The following ZNF263 variants were observed in gnomAD, a reference collection of about 807,000 sequenced individuals.
The protein encoded by ZNF263 is zinc finger protein 263.
In ZNF263, 49 loss-of-function variants were observed where a neutral mutation model predicts 63.1. The ratio of observed to expected loss-of-function variants is 0.78; its 90% CI spans 0.62 to 0.99. The LOEUF (loss-of-function observed/expected upper bound fraction) is 0.99. Ranked by LOEUF, ZNF263 falls within the 50% of genes least tolerant of loss-of-function variation. ZNF263 has a pLI of 0.00. For missense variants in ZNF263, 872 were observed against 854.8 expected (o/e 1.02, Z -0.25); for synonymous variants, 352 against 324.2 (o/e 1.09, Z -0.92).
chr16:3,284,636 C>G (rs991227136), intron 1 of ZNF263, among the ~76,000 whole-genome samples: 1 of 152,186 alleles, frequency 6.6e-6, no homozygotes. Context: ...TACTTGTTAC[C>G]TGTTGTTATG....
intron 2 of ZNF263, chr16:3,299,421 T>C (rs1334649368): frequency 6.4e-7 from 1 of 1,561,714 alleles, no homozygotes; most frequent in East Asian, 2.3e-5. Context: ...GATTTTCCCA[T>C]GCATTTGCTA....
intron 2 of ZNF263, chr16:3,300,632 A>C: frequency 6.5e-7 from 1 of 1,533,036 alleles, no homozygotes; most frequent in Non-Finnish European, 8.7e-7. Context: ...TTAACTCTGA[A>C]CCACCAACAG....
intron 2 of ZNF263, among the ~76,000 whole-genome samples, 177 bp downstream of exon 2, chr16:3,285,416 A>G (rs1959309529): frequency 4.6e-5 from 7 of 152,142 alleles, no homozygotes; most frequent in Admixed American, 4.6e-4. Flanking sequence ...GGGGGAAGGG[A>G]AGGGAGTCTC....
intron 5 of ZNF263, 43 bp downstream of exon 5, chr16:3,288,613 C>G (rs765161698): frequency 6.8e-7 from 1 of 1,464,342 alleles, no homozygotes; most frequent in East Asian, 2.3e-5. Flanking sequence ...AGCAGCAAGG[C>G]TCTTGCAGTT....
At chr16:3,284,574 G>A (rs1330520971) in intron 1 of ZNF263, among the ~76,000 whole-genome samples, 4 of 152,252 alleles carry the variant, frequency 2.6e-5, no homozygotes, top group Non-Finnish European at 4.4e-5. Context: ...CTAGGGCTTA[G>A]AGGGAGAGCA....
chr16:3,287,684 C>T lies in ZNF263; in HGVS notation c.770-770C>T, dbSNP rs146159981. ...GAGGTTTTTGTTTTTCTTTTTGGCA[C>T]AGCATAGAAATGGCACTTGTGGGTT... is the stretch of plus-strand genomic sequence containing the variant. On this transcript the variant is annotated intron_variant, in intron 4 of 5. Coordinates refer to ENST00000219069, the MANE Select transcript of ZNF263 (RefSeq NM_005741.5). 4.6e-3 allele frequency among the ~76,000 whole-genome samples: 696 copies of T among 152,080 alleles called. 5 individuals carry two copies. The highest frequency in any genetic ancestry group is 0.013 in the African/African-American group (552 of 41,494).
intron 4 of ZNF263, 171 bp downstream of exon 4, chr16:3,286,320 C>T (rs1428535023): frequency 4.9e-5 from 47 of 952,068 alleles, no homozygotes; most frequent in Non-Finnish European, 6.7e-5. Context: ...CCAAGTGGTA[C>T]AGTTGGCACA....
In ZNF263 at chr16:3,284,055, G is replaced by C. The variant is rs1470710821; in HGVS notation, c.237G>C (p.Gln79His). ...GGCCTGAGATGCGCACGAAGGAGCAGATCTTGGAGCTGCTGGTGTTAGAGC... is the reference window on the plus strand; with the variant it reads ...GGCCTGAGATGCGCACGAAGGAGCACATCTTGGAGCTGCTGGTGTTAGAGC... The part of the protein sequence containing the change: ...WLRPEMRTKE[Q>H]ILELLVLEQF... The change falls in exon 1 of 6, where the codon CAG (glutamine) becomes CAC (histidine). Residue 79 changes from glutamine to histidine, a missense_variant. By Grantham distance (24) the Gln-to-His change is conservative. Coordinates refer to ENST00000219069, the MANE Select transcript of ZNF263 (RefSeq NM_005741.5). The C allele has an allele frequency of 1.2e-6, 2 of 1,613,734 alleles. No individual in the cohort carries two copies. Among genetic ancestry groups the C allele is most frequent in the African/African-American group, 1.3e-5 (1 of 74,936 alleles).
chr16:3,291,144 CATGTAA>C lies in ZNF263; in HGVS notation c.*589_*594del. 1.0e-6 allele frequency: 1 copy of C among 986,104 alleles called. No homozygotes were observed. The highest frequency in any genetic ancestry group is 1.2e-6 in the Non-Finnish European group (1 of 830,474). The allele number at this position is 986,104 out of a possible 1,614,324, so 61.1% of individuals were successfully genotyped here. A position where few individuals can be genotyped will look rare whatever the true frequency, so the allele number is the denominator to read the frequency against. ...CAGGAGTGCCCATTGGCAGATTACA[CATGTAA>C]ATATGACCTCAGACAAAAAGGAACC... On this transcript the variant is annotated 3_prime_UTR_variant, in exon 6 of 6. Transcript: ENST00000219069.
Position 3,300,337 on chromosome 16 carries a change from G to A in ZNF263, c.*47-576G>A. 3.1e-6 allele frequency: 5 copies of A among 1,614,224 alleles called. No homozygotes were observed. The East Asian group carries it at 6.7e-5, about 22-fold the overall frequency. On this transcript the variant is annotated intron_variant, in intron 2 of 2. Transcript: ENST00000574674. ...CACGCCTCTTACCGGAACACCGGCT[G>A]AGCGTTTCTGTTGGTACCACATGTA...
chr16:3,299,735 G>GT, intron 2 of ZNF263: 7 of 1,541,144 alleles, frequency 4.5e-6, no homozygotes, highest in Non-Finnish European at 6.1e-6. Context: ...CTGTCCAGAA[G>GT]TAACAATGCC....
chr16:3,297,488 G>T lies in ZNF263; in HGVS notation c.152-1618G>T, dbSNP rs1468399970. 2.6e-5 allele frequency among the ~76,000 whole-genome samples: 3 copies of T among 117,604 alleles called. No individual in the cohort carries two copies. The Admixed American group carries it at 3.0e-4, about 12-fold the overall frequency. 77.2% of individuals were successfully genotyped at this position (117,604 alleles called of 152,430 possible). ...TTTTTTTTTTTTTTTTTTTTGAGAC[G>T]GAGTCTCGCTCTGTCGCCCAGGCTG... On this transcript the variant is annotated intron_variant, in intron 1 of 2. Transcript: ENST00000574674.
Position 3,283,723 on chromosome 16 carries a change from G to A in ZNF263, c.-96G>A, listed in dbSNP as rs1362329793. ...CCTGGACTGGGAGCCCCCGGCCCCG[G>A]GCTCCTGCTGGCGCCGTCCAACCTT... is the stretch of plus-strand genomic sequence containing the variant. On this transcript the variant is annotated 5_prime_UTR_variant, in exon 1 of 6. Transcript: ENST00000219069. 7 of 1,406,062 alleles carry A rather than the reference G, an allele frequency of 5.0e-6. No individual in the cohort carries two copies. Among genetic ancestry groups the A allele is most frequent in the Middle Eastern group, 2.7e-4 (1 of 3,638 alleles). 87.1% of individuals were successfully genotyped at this position (1,406,062 alleles called of 1,614,324 possible).
intron 2 of ZNF263, chr16:3,299,403 G>C (rs1959865512): frequency 1.9e-6 from 3 of 1,549,668 alleles, no homozygotes; most frequent in Non-Finnish European, 2.6e-6. Flanking sequence ...GTTCCTTTTT[G>C]TAAAGAAGAT....
At position 3,290,144 on chromosome 16, in the gene ZNF263, C is replaced by T; in HGVS notation, c.1638C>T (p.Tyr546=). ...HERTHERERL[Y]PFSECGEAVS... is the part of the protein sequence containing the mutation. Reference sequence around the variant, plus strand: ...GAACTCATGAGAGAGAGAGACTTTACCCCTTCTCTGAGTGTGGGGAAGCTG... The same window carrying T: ...GAACTCATGAGAGAGAGAGACTTTATCCCTTCTCTGAGTGTGGGGAAGCTG... The change falls in exon 6 of 6, where the codon TAC becomes TAT. Residue 546 remains tyrosine (Y), a synonymous_variant. Coordinates refer to ENST00000219069, the MANE Select transcript of ZNF263 (RefSeq NM_005741.5). 1.2e-6 allele frequency: 2 copies of T among 1,614,036 alleles called. No individual in the cohort carries two copies. The highest frequency in any genetic ancestry group is 1.6e-4 in the Middle Eastern group (1 of 6,062).
Position 3,290,107 on chromosome 16 carries a change from T to A in ZNF263, c.1601T>A (p.Val534Asp). The A allele has an allele frequency of 6.2e-7, 1 of 1,614,022 alleles. No homozygotes were observed. ...AGTTTCTCTCGGAGTTCACACCTCG[T>A]CATTCACGAAAGAACTCATGAGAGA... ...GKSFSRSSHL[V>D]IHERTHERER... Residue 534 changes from valine (V) to aspartate (D), a missense_variant, in exon 6 of 6, where the codon GTC (valine) becomes GAC (aspartate). Val to Asp is a radical substitution (Grantham distance 152). Transcript: ENST00000219069.
Position 3,288,451 on chromosome 16 carries a change from CAG to C in ZNF263, c.770_771del. The C allele has an allele frequency of 1.9e-6, 3 of 1,602,510 alleles. No individual in the cohort carries two copies. The highest frequency in any genetic ancestry group is 2.6e-6 in the Non-Finnish European group (3 of 1,170,478). ...AGAAATCTGTTTCTTTCATTGTGAA[CAG>C]AGTCTCACATTCCCAGTCAGGAGGT... is the stretch of plus-strand genomic sequence containing the variant. On this transcript the variant is annotated splice_acceptor_variant, in intron 4 of 5. Transcript: ENST00000219069. LOFTEE classifies it high-confidence loss of function.
intron 4 of ZNF263, 67 bp from the exon 5 acceptor site, chr16:3,288,387 A>G: frequency 1.7e-6 from 2 of 1,186,952 alleles, no homozygotes; most frequent in Admixed American, 3.4e-5. Context: ...GCAGGGAACA[A>G]GACTGTTTCC....
intron 2 of ZNF263, chr16:3,300,418 G>GC: frequency 1.2e-6 from 2 of 1,614,024 alleles, no homozygotes; most frequent in South Asian, 2.2e-5. Context: ...TCTCTTCTCA[G>GC]CCCCTACTAA....
Sources: gnomAD v4.1 joint callset for allele counts (sites outside exome capture counted in the v4.1 genomes callset) on GRCh38, gnomAD v4.1.1 for gene constraint, MANE v1.5 for transcripts, NCBI Gene and HGNC (gene_info 2026-07-23, HGNC 2026-07-21) for gene names.